The following CBLB variants were observed in gnomAD, a reference collection of about 807,000 sequenced individuals.
CBLB encodes Cbl proto-oncogene B, also known as E3 ubiquitin-protein ligase CBL-B.
A neutral mutation model predicts 104.9 loss-of-function variants in CBLB; 31 were observed. The observed-to-expected ratio is 0.30, with a 90% CI of 0.22 to 0.40. The LOEUF is 0.40. CBLB is among the 10% of genes least tolerant of loss of function. The pLI is 1.00. For missense variants in CBLB, 1,062 were observed against 1,214.6 expected (o/e 0.87, Z 1.87); for synonymous variants, 440 against 422.6 (o/e 1.04, Z -0.51).
intron 18 of CBLB, among the ~76,000 whole-genome samples, chr3:105,665,444 C>T (rs201697713): frequency 0.023 from 1,360 of 59,860 alleles, 27 homozygotes; most frequent in African/African-American, 0.048. Context: ...TATATATATA[C>T]ACACACACAC....
intron 9 of CBLB, among the ~76,000 whole-genome samples, chr3:105,726,699 C>G (rs2073690253): frequency 6.6e-6 from 1 of 152,108 alleles, no homozygotes; most frequent in East Asian, 1.9e-4. Context: ...GCTATCCCTC[C>G]CCTTGCCCCC....
chr3:105,760,954 A>C (rs911516814), intron 4 of CBLB, among the ~76,000 whole-genome samples: 3 of 152,234 alleles, frequency 2.0e-5, no homozygotes, highest in African/African-American at 7.2e-5. Flanking sequence ...ATAAGGAAGA[A>C]TAGAAAGATC....
chr3:105,829,752 A>G (rs1294704532), intron 3 of CBLB, among the ~76,000 whole-genome samples: 2 of 145,244 alleles, frequency 1.4e-5, no homozygotes, highest in Non-Finnish European at 3.0e-5. Flanking sequence ...TTCCAAAATC[A>G]AATTTTTCTA....
At position 105,703,537 on chromosome 3, in the gene CBLB, T is replaced by C. The variant is rs183863724; in HGVS notation, c.1593+451A>G. Among the ~76,000 whole-genome samples, 1,152 of 152,296 alleles carry C rather than the reference T, an allele frequency of 7.6e-3. 21 individuals are homozygous for C. Among genetic ancestry groups the C allele is most frequent in the African/African-American group, 0.026 (1,072 of 41,574 alleles). On this transcript the variant is annotated intron_variant, in intron 11 of 18. Coordinates refer to ENST00000394030, the MANE Select transcript of CBLB (RefSeq NM_170662.5). The stretch of plus-strand genomic sequence containing the variant: ...AATTAATTTCTCCAGGTTTAAAAAC[T>C]ACATATAATTCCCTCTTCTGAGTCG...
At chr3:105,729,804 AACTTT>A (rs1389254553) in intron 9 of CBLB, among the ~76,000 whole-genome samples, 1 of 152,122 alleles carries the variant, frequency 6.6e-6, no homozygotes, top group Non-Finnish European at 1.5e-5. Context: ...TAACTAGATT[AACTTT>A]ATAGGACTTT....
chr3:105,674,220 G>A (rs1010893447), intron 17 of CBLB, among the ~76,000 whole-genome samples: 1 of 152,218 alleles, frequency 6.6e-6, no homozygotes, highest in African/African-American at 2.4e-5. Flanking sequence ...TCACTCCTCA[G>A]ATTTGAATTC....
intron 14 of CBLB, among the ~76,000 whole-genome samples, chr3:105,683,973 A>T (rs2066660904): frequency 6.6e-6 from 1 of 152,238 alleles, no homozygotes; most frequent in Admixed American, 6.5e-5. Flanking sequence ...TTCTCTTTCC[A>T]AGTGCTGCAT....
At chr3:105,662,497 T>C (rs1462632510) in intron 18 of CBLB, among the ~76,000 whole-genome samples, 1 of 152,210 alleles carries the variant, frequency 6.6e-6, no homozygotes, top group Non-Finnish European at 1.5e-5. Context: ...ATTTTTGAAC[T>C]CTTATGAGTA....
chr3:105,699,644 A>G (rs1442344693), intron 12 of CBLB, among the ~76,000 whole-genome samples: 1 of 152,186 alleles, frequency 6.6e-6, no homozygotes, highest in Non-Finnish European at 1.5e-5. Flanking sequence ...TGAAATGAGA[A>G]GAGGAATTAG....
At chr3:105,736,377 T>C (rs919085861) in intron 8 of CBLB, among the ~76,000 whole-genome samples, 1 of 152,138 alleles carries the variant, frequency 6.6e-6, no homozygotes, top group African/African-American at 2.4e-5. Flanking sequence ...TGAACGTACA[T>C]AATGCAACTT....
chr3:105,804,678 T>C (rs1228059698), intron 3 of CBLB, among the ~76,000 whole-genome samples: 1 of 152,178 alleles, frequency 6.6e-6, no homozygotes. Flanking sequence ...CTAGATAATT[T>C]AAAATTACCT....
intron 7 of CBLB, 55 bp downstream of exon 7, chr3:105,740,439 T>A (rs930712103): frequency 6.3e-7 from 1 of 1,597,702 alleles, no homozygotes; most frequent in Admixed American, 1.7e-5. Context: ...AAAGCAATCT[T>A]TATTTTTCAA....
At chr3:105,869,403 C>T, upstream of CBLB, 1 of 1,338,620 alleles carries the variant, frequency 7.5e-7, no homozygotes, top group Non-Finnish European at 9.9e-7. Flanking sequence ...GGCTGAAAGG[C>T]GGGACTTCCT....
intron 3 of CBLB, among the ~76,000 whole-genome samples, chr3:105,824,865 GACCT>G (rs1455857622): frequency 6.6e-6 from 1 of 151,916 alleles, no homozygotes; most frequent in African/African-American, 2.4e-5. Context: ...TTTAGACTTA[GACCT>G]ACTAAAAGAA....
chr3:105,707,438 G>A (rs983845439), intron 10 of CBLB, among the ~76,000 whole-genome samples: 11 of 150,350 alleles, frequency 7.3e-5, no homozygotes, highest in Non-Finnish European at 1.2e-4. Flanking sequence ...ATTTTCCTGA[G>A]TTCTCCTAAA....
At chr3:105,867,684 T>C (rs2092504859) in intron 1 of CBLB, 93 bp from the exon 2 acceptor site, 2 of 1,087,202 alleles carry the variant, frequency 1.8e-6, no homozygotes. Flanking sequence ...CCACTGCATC[T>C]TCCTCCATCG....
intron 4 of CBLB, among the ~76,000 whole-genome samples, chr3:105,756,671 A>G (rs72995639): frequency 9.1e-4 from 139 of 152,338 alleles, no homozygotes; most frequent in African/African-American, 3.2e-3. Context: ...CACTAGGAAC[A>G]TTAACAAGTA....
intron 3 of CBLB, among the ~76,000 whole-genome samples, chr3:105,840,155 G>A (rs1560482082): frequency 1.3e-5 from 2 of 152,170 alleles, no homozygotes; most frequent in Admixed American, 6.5e-5. Flanking sequence ...GAGCTGAGAT[G>A]CTTTATCATT....
rs750842722 is a variant in CBLB, at chr3:105,786,863, G to A, written c.420-10321C>T. ...TCACATGTGTTCTTTGTCATATAAC[G>A]TCATGAAAGAAATGGTATAGCTGAA... On this transcript the variant is annotated intron_variant, in intron 3 of 18. Transcript: ENST00000394030. Among the ~76,000 whole-genome samples, 5 of 152,230 alleles carry A rather than the reference G, an allele frequency of 3.3e-5. No homozygotes were observed. In the East Asian group the frequency reaches 7.7e-4, roughly 23 times the overall value.
Sources: allele counts gnomAD v4.1 joint callset (sites outside exome capture counted in the v4.1 genomes callset), GRCh38; gene constraint gnomAD v4.1.1; transcripts MANE v1.5; gene names NCBI Gene and HGNC (gene_info 2026-07-23, HGNC 2026-07-21).